The following AGAP1 variants were observed in gnomAD, a reference collection of about 807,000 sequenced individuals.
The protein encoded by AGAP1 is arf-GAP with GTPase, ANK repeat and PH domain-containing protein 1.
AGAP1 carries 29 observed loss-of-function variants against 105.3 expected under a neutral mutation model. The observed-to-expected ratio is 0.28, with a 90% CI of 0.21 to 0.38. AGAP1 has a LOEUF of 0.38. Among genes scored for constraint, AGAP1 ranks in the 10% least tolerant of loss-of-function variants. The pLI is 1.00. For synonymous variants in AGAP1, 509 were observed against 485.9 expected, an observed-to-expected ratio of 1.05 and a Z score of -0.63; for missense variants, 998 against 1,165.1, an observed-to-expected ratio of 0.86 and a Z score of 2.09.
At chr2:235,653,049 G>C (rs1294766663) in intron 1 of AGAP1, among the ~76,000 whole-genome samples, 4 of 152,160 alleles carry the variant, frequency 2.6e-5, no homozygotes, top group Non-Finnish European at 4.4e-5. Flanking sequence ...CACCGGGAAG[G>C]ATAAGAGGGT....
chr2:236,109,875 C>T lies in AGAP1; in HGVS notation c.2115-10317C>T, dbSNP rs761633673. 1.3e-5 allele frequency among the ~76,000 whole-genome samples: 2 copies of T among 152,268 alleles called. No homozygotes were observed. Among genetic ancestry groups the T allele is most frequent in the African/African-American group, 4.8e-5 (2 of 41,480 alleles). ...ACACCTCTAGATTCTTCCTCTGAAG[C>T]AAACCCTACCTAACCCTTCGTCAGA... On this transcript the variant is annotated intron_variant, in intron 16 of 17. Transcript: ENST00000304032. This position sits in a 1 kb window ranked among gnomAD's most constrained non-coding sequence, Gnocchi z 5.4.
chr2:235,951,798 A>G lies in AGAP1; in HGVS notation c.1484-16664A>G, dbSNP rs2053750980. 6.6e-6 allele frequency among the ~76,000 whole-genome samples: 1 copy of G among 152,112 alleles called. No individual in the cohort carries two copies. The highest frequency in any genetic ancestry group is 2.1e-4 in the South Asian group (1 of 4,810). On this transcript the variant is annotated intron_variant, in intron 12 of 17. Transcript: ENST00000304032. The surrounding 1 kb of genome is among the most constrained non-coding windows in gnomAD (Gnocchi z 4.2). The stretch of plus-strand genomic sequence containing the variant: ...ACCACACCAGTCTCCCAGTCCCATC[A>G]CACACAGGCAGTTTTTACACCAGCC...
At chr2:235,820,433 C>T (rs1958726157) in intron 9 of AGAP1, among the ~76,000 whole-genome samples, 1 of 152,112 alleles carries the variant, frequency 6.6e-6, no homozygotes, top group African/African-American at 2.4e-5. Flanking sequence ...AAACTGGTTT[C>T]TTGTACAACT....
chr2:235,760,869 C>T (rs1016694088), intron 6 of AGAP1, among the ~76,000 whole-genome samples: 2 of 152,190 alleles, frequency 1.3e-5, no homozygotes, highest in South Asian at 4.1e-4. Context: ...GGATTATAGG[C>T]GTTAGCCACC....
At position 235,622,653 on chromosome 2, in the gene AGAP1, G is replaced by C. The variant is rs1169637983; in HGVS notation, c.164-86526G>C. 6.6e-6 allele frequency among the ~76,000 whole-genome samples: 1 copy of C among 152,154 alleles called. No individual in the cohort carries two copies. The highest frequency in any genetic ancestry group is 1.5e-5 in the Non-Finnish European group (1 of 68,038). On this transcript the variant is annotated intron_variant, in intron 1 of 17. Transcript: ENST00000304032. This position sits in a 1 kb window ranked among gnomAD's most constrained non-coding sequence, Gnocchi z 5.0. Reference sequence around the variant, plus strand: ...CCTATGAAATTGGGAGCCCTGGCTGGATCAGAAGCACATGGTTCAGTGGAC... The same window carrying C: ...CCTATGAAATTGGGAGCCCTGGCTGCATCAGAAGCACATGGTTCAGTGGAC...
chr2:236,086,872 T>G (rs1407183441), intron 16 of AGAP1, among the ~76,000 whole-genome samples: 1 of 39,916 alleles, frequency 2.5e-5, no homozygotes, highest in East Asian at 6.2e-4. Flanking sequence ...CCCCCTGCCC[T>G]ACCTCCCTCC....
chr2:236,117,451 A>G (rs1305140239), intron 16 of AGAP1, among the ~76,000 whole-genome samples: 2 of 152,238 alleles, frequency 1.3e-5, no homozygotes, highest in Non-Finnish European at 2.9e-5. Flanking sequence ...ACATACTGAC[A>G]CAGCGAAGGG....
intron 13 of AGAP1, among the ~76,000 whole-genome samples, chr2:236,015,455 C>T (rs1250179155): frequency 1.3e-5 from 2 of 152,206 alleles, no homozygotes; most frequent in Non-Finnish European, 2.9e-5. Context: ...CACAAATTGA[C>T]TTGCGTTGCT....
chr2:235,783,346 T>A (rs1249742439), intron 6 of AGAP1: 7 of 471,284 alleles, frequency 1.5e-5, no homozygotes, highest in Admixed American at 4.7e-5. Flanking sequence ...GTATGCTTAA[T>A]GTTCTAAAAG....
chr2:235,828,195 G>A (rs988896283), intron 9 of AGAP1, among the ~76,000 whole-genome samples: 1 of 152,194 alleles, frequency 6.6e-6, no homozygotes, highest in Admixed American at 6.5e-5. Context: ...GGAAGAGGAA[G>A]TATTTTGAAC....
chr2:235,826,462 T>C (rs567633473), intron 9 of AGAP1, among the ~76,000 whole-genome samples: 1 of 152,278 alleles, frequency 6.6e-6, no homozygotes, highest in South Asian at 2.1e-4. Flanking sequence ...ACTCCTTTTT[T>C]TGAGACAAGA....
In AGAP1 at chr2:235,525,483, C is replaced by CGTGGAGGACTGATACATAAT. The variant is rs1559223610; in HGVS notation, c.163+30668_163+30687dup. ...CATAACGTGGAGGACTGATACATAA[C>CGTGGAGGACTGATACATAAT]GTGGAGGACTGATACATAATGTGGA... On this transcript the variant is annotated intron_variant, in intron 1 of 17. Transcript: ENST00000304032. Among the ~76,000 whole-genome samples the CGTGGAGGACTGATACATAAT allele has an allele frequency of 3.2e-3, 284 of 89,776 alleles. 1 individual carries two copies. Among genetic ancestry groups the CGTGGAGGACTGATACATAAT allele is most frequent in the African/African-American group, 0.011 (248 of 23,390 alleles). 58.9% of individuals were successfully genotyped at this position (89,776 alleles called of 152,430 possible).
rs2057079049 is a variant in AGAP1 at position 236,027,109 on chromosome 2, G to C, written c.1646-9452G>C. Among the ~76,000 whole-genome samples, 1 of 152,182 alleles carries C rather than the reference G, an allele frequency of 6.6e-6. No homozygotes were observed. Among genetic ancestry groups the C allele is most frequent in the Non-Finnish European group, 1.5e-5 (1 of 68,036 alleles). On this transcript the variant is annotated intron_variant, in intron 13 of 17. Coordinates refer to ENST00000304032, the MANE Select transcript of AGAP1 (RefSeq NM_001037131.3). The surrounding 1 kb of genome is among the most constrained non-coding windows in gnomAD (Gnocchi z 4.4). ...TGGATAAACAGATTTCTTCCTGGAAGTTGTAACATGACTATGCAGTTGCTC... is the reference window on the plus strand; with the variant it reads ...TGGATAAACAGATTTCTTCCTGGAACTTGTAACATGACTATGCAGTTGCTC...
intron 1 of AGAP1, among the ~76,000 whole-genome samples, chr2:235,704,969 C>CTTTTTTTTTTTTTTTT (rs969370505): frequency 5.0e-5 from 3 of 59,694 alleles, no homozygotes; most frequent in African/African-American, 8.5e-5. Context: ...ATGCTTTTTT[C>CTTTTTTTTTTTTTTTT]TTTTTTTTTT....
At chr2:236,069,826 G>A (rs2125790912) in intron 16 of AGAP1, among the ~76,000 whole-genome samples, 1 of 152,288 alleles carries the variant, frequency 6.6e-6, no homozygotes, top group Admixed American at 6.5e-5. Flanking sequence ...CTTTCTCTAG[G>A]GGATAGGGTT....
At chr2:235,937,230 C>G (rs902551959) in intron 12 of AGAP1, among the ~76,000 whole-genome samples, 1 of 152,202 alleles carries the variant, frequency 6.6e-6, no homozygotes, top group Non-Finnish European at 1.5e-5. Context: ...GAGGGCTGCT[C>G]GGCTCGCCAG....
At position 235,970,507 on chromosome 2, in the gene AGAP1, A is replaced by T. The variant is rs2125355093; in HGVS notation, c.1645+1884A>T. ...CCCTCCACGCCCCTAAGGTGCACAC[A>T]CAGGGGCGGGCGCCAGATTCCCTTT... On this transcript the variant is annotated intron_variant, in intron 13 of 17. Coordinates refer to ENST00000304032, the MANE Select transcript of AGAP1 (RefSeq NM_001037131.3). This position sits in a 1 kb window ranked among gnomAD's most constrained non-coding sequence, Gnocchi z 5.4. Among the ~76,000 whole-genome samples the T allele has an allele frequency of 6.6e-6, 1 of 152,110 alleles. No homozygotes were observed. The highest frequency in any genetic ancestry group is 1.5e-5 in the Non-Finnish European group (1 of 67,970).
chr2:235,530,869 G>A, intron 1 of AGAP1, among the ~76,000 whole-genome samples: 1 of 152,162 alleles, frequency 6.6e-6, no homozygotes, highest in East Asian at 1.9e-4. Flanking sequence ...GCCCACCTCA[G>A]TGTCCTTCCT....
Position 235,908,072 on chromosome 2 carries a change from C to T in AGAP1, c.1156-666C>T, listed in dbSNP as rs1463749937. Among the ~76,000 whole-genome samples, 1 of 152,198 alleles carries T rather than the reference C, an allele frequency of 6.6e-6. No individual in the cohort carries two copies. The highest frequency in any genetic ancestry group is 1.5e-5 in the Non-Finnish European group (1 of 68,036). ...CAGTTGCTTGTTCACCTTCCCCGTT[C>T]CCTGCCCATCAGCCAGTTTCCAGGT... On this transcript the variant is annotated intron_variant, in intron 10 of 17. Transcript: ENST00000304032. This position sits in a 1 kb window ranked among gnomAD's most constrained non-coding sequence, Gnocchi z 4.4.
Sources: allele counts gnomAD v4.1 joint callset (sites outside exome capture counted in the v4.1 genomes callset), GRCh38; gene constraint gnomAD v4.1.1; non-coding constraint Gnocchi (gnomAD v3.1); transcripts MANE v1.5; gene names NCBI Gene and HGNC (gene_info 2026-07-23, HGNC 2026-07-21).